Variants in ROBO1 observed in about 807,000 individuals in gnomAD.
ROBO1 encodes roundabout guidance receptor 1.
In ROBO1, 149 loss-of-function variants were observed where a neutral mutation model predicts 195.9. The ratio of observed to expected loss-of-function variants is 0.76; its 90% CI spans 0.67 to 0.87. The LOEUF (loss-of-function observed/expected upper bound fraction) is 0.87. Ranked by LOEUF, ROBO1 falls within the 40% of genes least tolerant of loss-of-function variation. ROBO1 has a pLI of 0.00. For synonymous variants in ROBO1, 816 were observed against 733.2 expected, an observed-to-expected ratio of 1.11 and a Z score of -1.82; for missense variants, 1,933 against 2,068.3, an observed-to-expected ratio of 0.93 and a Z score of 1.27.
intron 28 of ROBO1, among the ~76,000 whole-genome samples, chr3:78,608,157 TAGGCTGG>T (rs1296277304): frequency 6.6e-6 from 1 of 152,098 alleles, no homozygotes; most frequent in Non-Finnish European, 1.5e-5. Flanking sequence ...CTTTGTTGCC[TAGGCTGG>T]AGTGCAGTGG....
chr3:78,680,901 C>A (rs1274230895), intron 10 of ROBO1, among the ~76,000 whole-genome samples: 1 of 149,930 alleles, frequency 6.7e-6, no homozygotes, highest in East Asian at 1.9e-4. Flanking sequence ...TATTGCAGCA[C>A]TATTCACAAT....
At chr3:79,482,930 C>A (rs1340782007) in intron 2 of ROBO1, among the ~76,000 whole-genome samples, 1 of 152,100 alleles carries the variant, frequency 6.6e-6, no homozygotes, top group African/African-American at 2.4e-5. Context: ...TCTAGCTATG[C>A]CATCAGCTGC....
chr3:79,536,787 A>G (rs80225214), intron 2 of ROBO1, among the ~76,000 whole-genome samples: 1,608 of 152,316 alleles, frequency 0.011, 26 homozygotes, highest in African/African-American at 0.037. Context: ...GAAAAAGTAT[A>G]GGACATAAGG....
intron 4 of ROBO1, among the ~76,000 whole-genome samples, chr3:78,808,994 A>G (rs2084640778): frequency 1.3e-5 from 2 of 152,196 alleles, no homozygotes; most frequent in South Asian, 4.1e-4. Flanking sequence ...AAAATTGACA[A>G]ATGGGATCTA....
intron 3 of ROBO1, among the ~76,000 whole-genome samples, chr3:78,998,389 T>C (rs1023008594): frequency 6.6e-5 from 10 of 152,066 alleles, no homozygotes; most frequent in Non-Finnish European, 1.3e-4. Context: ...CAAGCCTCTA[T>C]AGAGAAACTT....
intron 3 of ROBO1, among the ~76,000 whole-genome samples, chr3:78,949,066 G>T (rs1403395825): frequency 7.2e-6 from 1 of 139,528 alleles, no homozygotes; most frequent in African/African-American, 2.8e-5. Flanking sequence ...AATCAATATC[G>T]TGAAAATGGC....
chr3:79,091,799 A>C (rs1341474997), intron 3 of ROBO1, among the ~76,000 whole-genome samples: 1 of 152,166 alleles, frequency 6.6e-6, no homozygotes, highest in East Asian at 1.9e-4. Flanking sequence ...GGACCCCAGA[A>C]GAGAACATGA....
At chr3:79,103,614 A>G (rs566647019) in intron 3 of ROBO1, among the ~76,000 whole-genome samples, 242 of 151,872 alleles carry the variant, frequency 1.6e-3, no homozygotes, top group Admixed American at 3.3e-3. Context: ...CTCAGACTAC[A>G]CCTTTATGAT....
In ROBO1 at chr3:79,448,913, G is replaced by A. The variant is rs554236363; in HGVS notation, c.88+140911C>T. Among the ~76,000 whole-genome samples the A allele has an allele frequency of 7.9e-5, 12 of 152,190 alleles. No individual in the cohort carries two copies. The East Asian group carries it at 2.3e-3, about 29-fold the overall frequency. On this transcript the variant is annotated intron_variant, in intron 2 of 30. Coordinates refer to ENST00000464233, the MANE Select transcript of ROBO1 (RefSeq NM_002941.4). ...ACATATTTGTATCCAAGCCTTTGAA[G>A]GGATGATAATTTCTACCTCCAAGAT...
intron 1 of ROBO1, among the ~76,000 whole-genome samples, chr3:79,698,030 A>C (rs1947499057): frequency 6.6e-6 from 1 of 151,502 alleles, no homozygotes; most frequent in South Asian, 2.1e-4. Flanking sequence ...AAATGTTTTG[A>C]TACTTTATTG....
At chr3:79,504,480 A>G (rs1163443530) in intron 2 of ROBO1, among the ~76,000 whole-genome samples, 1 of 152,208 alleles carries the variant, frequency 6.6e-6, no homozygotes, top group African/African-American at 2.4e-5. Context: ...TGAAATTATG[A>G]AAAATAAATT....
Position 78,904,733 on chromosome 3 carries a change from C to A in ROBO1, c.499+33868G>T, listed in dbSNP as rs140169843. Among the ~76,000 whole-genome samples the A allele has an allele frequency of 7.6e-3, 1,130 of 148,828 alleles. 22 individuals are homozygous for A. The highest frequency in any genetic ancestry group is 0.027 in the Admixed American group (406 of 14,846). ...ATATATATGTATATGTATATATATG[C>A]ATATATGTATATGTATATATGTGTG... On this transcript the variant is annotated intron_variant, in intron 4 of 30. Coordinates refer to ENST00000464233, the MANE Select transcript of ROBO1 (RefSeq NM_002941.4).
At chr3:79,441,639 A>G (rs1024491495) in intron 2 of ROBO1, among the ~76,000 whole-genome samples, 3 of 152,124 alleles carry the variant, frequency 2.0e-5, no homozygotes, top group Non-Finnish European at 4.4e-5. Flanking sequence ...TTGAATTTCT[A>G]TCCTCAGAAA....
At chr3:79,598,239 C>T (rs1366678354) in intron 1 of ROBO1, among the ~76,000 whole-genome samples, 1 of 151,986 alleles carries the variant, frequency 6.6e-6, no homozygotes, top group Non-Finnish European at 1.5e-5. Flanking sequence ...TAAAATAGTA[C>T]ATCTATTAGT....
intron 2 of ROBO1, among the ~76,000 whole-genome samples, chr3:79,431,991 A>C (rs2038697176): frequency 6.6e-6 from 1 of 152,108 alleles, no homozygotes; most frequent in African/African-American, 2.4e-5. Flanking sequence ...ACAATGTGCA[A>C]AGTGAGATAA....
intron 1 of ROBO1, among the ~76,000 whole-genome samples, chr3:79,692,038 GAGAAAACC>G (rs1319511504): frequency 2.0e-5 from 3 of 151,842 alleles, no homozygotes; most frequent in Admixed American, 1.3e-4. Flanking sequence ...TTTAAAGTCA[GAGAAAACC>G]TTCTGGTAGA....
intron 2 of ROBO1, among the ~76,000 whole-genome samples, chr3:79,270,711 C>T (rs1297355002): frequency 5.3e-5 from 8 of 151,850 alleles, no homozygotes; most frequent in Non-Finnish European, 1.2e-4. Flanking sequence ...AGCTCTAGGG[C>T]TGCCAATTTA....
At chr3:78,857,473 C>T (rs2034525653) in intron 4 of ROBO1, among the ~76,000 whole-genome samples, 1 of 152,100 alleles carries the variant, frequency 6.6e-6, no homozygotes, top group Non-Finnish European at 1.5e-5. Context: ...TTCTCAATAG[C>T]CCCAAAGATG....
At chr3:79,150,572 C>G (rs1231963650) in intron 2 of ROBO1, among the ~76,000 whole-genome samples, 1 of 151,566 alleles carries the variant, frequency 6.6e-6, no homozygotes, top group Non-Finnish European at 1.5e-5. Flanking sequence ...CTTATCTTTA[C>G]TAAAAAAGGA....
Sources: allele counts gnomAD v4.1 joint callset (sites outside exome capture counted in the v4.1 genomes callset), GRCh38; gene constraint gnomAD v4.1.1; transcripts MANE v1.5; gene names NCBI Gene and HGNC (gene_info 2026-07-23, HGNC 2026-07-21).